The following CYP4X1 variants were observed in gnomAD, a reference collection of about 807,000 sequenced individuals.
CYP4X1 encodes the protein cytochrome P450 family 4 subfamily X member 1, also known as cytochrome P450 4X1.
In CYP4X1, 44 loss-of-function variants were observed where a neutral mutation model predicts 57.9. The observed-to-expected ratio is 0.76, with a 90% confidence interval of 0.60 to 0.98. CYP4X1 has a LOEUF of 0.98. CYP4X1 is among the 50% of genes least tolerant of loss of function. The pLI is 0.00. For missense variants in CYP4X1, 532 were observed against 623.9 expected (o/e 0.85, Z 1.57); for synonymous variants, 227 against 228.6 (o/e 0.99, Z 0.06).
chr1:46,967,767 G>C, the CYP4X1 span: 1 of 1,335,074 alleles, frequency 7.5e-7, no homozygotes, highest in Non-Finnish European at 9.9e-7. Flanking sequence ...ATGGTATGCC[G>C]ACCGGGATCC....
At chr1:47,040,976 A>T (rs139923440) in intron 8 of CYP4X1, among the ~76,000 whole-genome samples, 2 of 151,922 alleles carry the variant, frequency 1.3e-5, no homozygotes, top group Non-Finnish European at 2.9e-5. Context: ...CCTGGTAACC[A>T]CTGTTCTACT....
chr1:47,054,618 T>C (rs1346385020), downstream of CYP4X1, among the ~76,000 whole-genome samples: 2 of 152,214 alleles, frequency 1.3e-5, no homozygotes, highest in Non-Finnish European at 2.9e-5. Context: ...GTAGTTCTCC[T>C]TGAAGAGGTC....
chr1:46,999,026 T>TTG, the CYP4X1 span, among the ~76,000 whole-genome samples: 712 of 143,326 alleles, frequency 5.0e-3, 2 homozygotes, highest in Non-Finnish European at 7.0e-3. Context: ...CTTGCTTTCT[T>TTG]TGTGTGTGTG....
intron 1 of CYP4X1, among the ~76,000 whole-genome samples, 169 bp from the exon 2 acceptor site, chr1:47,029,821 A>C (rs1476698855): frequency 6.6e-6 from 1 of 152,170 alleles, no homozygotes; most frequent in Non-Finnish European, 1.5e-5. Flanking sequence ...TGTTTAGAGA[A>C]TTATCCCCCA....
downstream of CYP4X1, among the ~76,000 whole-genome samples, chr1:47,051,490 A>AT (rs1644360178): frequency 2.0e-5 from 3 of 152,094 alleles, no homozygotes; most frequent in Admixed American, 2.0e-4. Context: ...ATCTTACAGT[A>AT]TTTTTTGTTT....
the CYP4X1 span, among the ~76,000 whole-genome samples, chr1:46,980,416 A>G: frequency 6.6e-6 from 1 of 152,230 alleles, no homozygotes; most frequent in East Asian, 1.9e-4. Context: ...AATCCAACTT[A>G]CAAGGGATGT....
chr1:47,036,279 A>G (rs1644180928), intron 6 of CYP4X1, 108 bp downstream of exon 6: 3 of 1,346,946 alleles, frequency 2.2e-6, no homozygotes, highest in African/African-American at 1.5e-5. Flanking sequence ...TTTGTTATTA[A>G]TGGAGCTTTT....
rs1198230252 is a variant in CYP4X1 at position 47,039,465 on chromosome 1, C to G, written c.1006C>G (p.Pro336Ala). 3 of 1,613,370 alleles carry G rather than the reference C, an allele frequency of 1.9e-6. No individual in the cohort carries two copies. Among genetic ancestry groups the G allele is most frequent in the Non-Finnish European group, 2.5e-6 (3 of 1,179,738 alleles). The change falls in exon 8 of 12, where the codon CCT (proline) becomes GCT (alanine). Residue 336 changes from proline to alanine, a missense_variant. Pro to Ala is a conservative substitution (Grantham distance 27, BLOSUM62 -1). Transcript: ENST00000371901. ...SWILYCLALN[P>A]EHQERCREEV... is the part of the protein sequence containing the mutation. Reference sequence around the variant, plus strand: ...GATCCTTTACTGCCTGGCTCTGAACCCTGAGCATCAAGAGAGATGCCGGGA... The same window carrying G: ...GATCCTTTACTGCCTGGCTCTGAACGCTGAGCATCAAGAGAGATGCCGGGA...
intron 2 of CYP4X1, 111 bp from the exon 3 acceptor site, chr1:47,031,325 T>C: frequency 7.7e-7 from 1 of 1,304,526 alleles, no homozygotes; most frequent in Non-Finnish European, 1.1e-6. Context: ...GGGCTCTCTT[T>C]TTCTCACTTT....
At chr1:46,990,341 C>T in the CYP4X1 span, among the ~76,000 whole-genome samples, 3 of 152,080 alleles carry the variant, frequency 2.0e-5, no homozygotes, top group East Asian at 5.8e-4. Flanking sequence ...AAATCAAAAC[C>T]ACAATGAGAT....
Position 47,035,936 on chromosome 1 carries a change from CAGT to C in CYP4X1, c.620+4_620+6del, listed in dbSNP as rs1644175163. On this transcript the variant is annotated splice_donor_5th_base_variant and intron_variant, in intron 5 of 11. Coordinates refer to ENST00000371901, the MANE Select transcript of CYP4X1 (RefSeq NM_178033.2). ...GAGACCAACTGCCAGACAAACAGGT[CAGT>C]GGTGGGAGAGCAAAAAAGATATTTC... 2 of 1,613,342 alleles carry C rather than the reference CAGT, an allele frequency of 1.2e-6. No individual in the cohort carries two copies. The highest frequency in any genetic ancestry group is 1.7e-6 in the Non-Finnish European group (2 of 1,179,648).
chr1:46,970,479 C>T, the CYP4X1 span, among the ~76,000 whole-genome samples: 1 of 152,214 alleles, frequency 6.6e-6, no homozygotes, highest in Admixed American at 6.5e-5. Flanking sequence ...TCCTTCCCTA[C>T]TCCCATTACC....
chr1:47,038,987 G>T (rs1644215859), intron 7 of CYP4X1, among the ~76,000 whole-genome samples: 2 of 152,270 alleles, frequency 1.3e-5, no homozygotes, highest in East Asian at 1.9e-4. Context: ...GATTTGACAA[G>T]ATTTGAGGAT....
chr1:47,012,328 T>C, the CYP4X1 span, among the ~76,000 whole-genome samples: 1 of 152,192 alleles, frequency 6.6e-6, no homozygotes, highest in Non-Finnish European at 1.5e-5. Context: ...AAACACTGTA[T>C]GTTCTCGCTT....
chr1:46,986,934 G>A, the CYP4X1 span, among the ~76,000 whole-genome samples: 5 of 152,174 alleles, frequency 3.3e-5, no homozygotes, highest in Admixed American at 2.0e-4. Flanking sequence ...ATACCAAATT[G>A]TAAAGACAAT....
chr1:47,052,475 A>C (rs1415653579), downstream of CYP4X1, among the ~76,000 whole-genome samples: 2 of 152,162 alleles, frequency 1.3e-5, no homozygotes, highest in Admixed American at 1.3e-4. Flanking sequence ...CTCAAATTAG[A>C]AACTTTCATA....
the CYP4X1 span, among the ~76,000 whole-genome samples, chr1:46,998,210 A>G: frequency 4.7e-3 from 722 of 152,120 alleles, 3 homozygotes; most frequent in Non-Finnish European, 7.4e-3. Flanking sequence ...TCTGTCATCC[A>G]GGTCACCCAG....
the CYP4X1 span, among the ~76,000 whole-genome samples, chr1:46,975,294 G>T: frequency 6.6e-6 from 1 of 152,130 alleles, no homozygotes; most frequent in Admixed American, 6.5e-5. Flanking sequence ...TTTCTGTAGT[G>T]GCTGGCAATG....
chr1:47,026,470 A>C (rs1259295052), intron 1 of CYP4X1, among the ~76,000 whole-genome samples: 2 of 152,192 alleles, frequency 1.3e-5, no homozygotes, highest in Admixed American at 6.5e-5. Context: ...GAAATCAGGA[A>C]GTATGAGTCC....
Sources: allele counts gnomAD v4.1 joint callset (sites outside exome capture counted in the v4.1 genomes callset), GRCh38; gene constraint gnomAD v4.1.1; transcripts MANE v1.5; gene names NCBI Gene and HGNC (gene_info 2026-07-23, HGNC 2026-07-21).